Variants in TCERG1L observed in about 807,000 individuals in gnomAD.
The protein encoded by TCERG1L is transcription elongation regulator 1-like protein.
TCERG1L carries 37 observed loss-of-function variants against 56.3 expected under a neutral mutation model. The ratio of observed to expected loss-of-function variants is 0.66; its 90% CI spans 0.51 to 0.87. The LOEUF (loss-of-function observed/expected upper bound fraction) is 0.87. TCERG1L is among the 40% of genes least tolerant of loss of function. The pLI is 0.00. For missense variants in TCERG1L, 799 were observed against 774.2 expected (o/e 1.03, Z -0.38); for synonymous variants, 324 against 326.3 (o/e 0.99, Z 0.08).
chr10:131,284,132 A>G (rs1464185930), intron 3 of TCERG1L, among the ~76,000 whole-genome samples: 1 of 151,614 alleles, frequency 6.6e-6, no homozygotes, highest in Non-Finnish European at 1.5e-5. Flanking sequence ...TCTCAAAAAA[A>G]AAAAAAAAAA....
At chr10:131,300,893 G>A (rs1206407532) in intron 3 of TCERG1L, among the ~76,000 whole-genome samples, 1 of 152,070 alleles carries the variant, frequency 6.6e-6, no homozygotes, top group Non-Finnish European at 1.5e-5. Context: ...AATTTTGTCA[G>A]TGTATTCAGG....
chr10:131,106,675 G>A (rs1205939377), intron 9 of TCERG1L, among the ~76,000 whole-genome samples: 2 of 152,148 alleles, frequency 1.3e-5, no homozygotes, highest in African/African-American at 4.8e-5. Context: ...GTACGTTTGA[G>A]GAAGGCCACC....
chr10:131,251,696 C>A (rs1366536931), intron 4 of TCERG1L, among the ~76,000 whole-genome samples: 1 of 152,230 alleles, frequency 6.6e-6, no homozygotes, highest in Non-Finnish European at 1.5e-5. Context: ...TTCTGACCCT[C>A]TCCAAGGTCC....
At chr10:131,198,610 G>A (rs1845392926) in intron 4 of TCERG1L, among the ~76,000 whole-genome samples, 1 of 152,234 alleles carries the variant, frequency 6.6e-6, no homozygotes, top group Non-Finnish European at 1.5e-5. Flanking sequence ...CTCCCATGCA[G>A]CGGTGCTGGA....
At chr10:131,216,008 C>T (rs1436286753) in intron 4 of TCERG1L, among the ~76,000 whole-genome samples, 4 of 152,194 alleles carry the variant, frequency 2.6e-5, no homozygotes, top group Admixed American at 2.6e-4. Flanking sequence ...CCCCATGACA[C>T]AGGACCTGAC....
At chr10:131,249,814 C>A (rs569757705) in intron 4 of TCERG1L, among the ~76,000 whole-genome samples, 1 of 152,176 alleles carries the variant, frequency 6.6e-6, no homozygotes, top group Non-Finnish European at 1.5e-5. Context: ...GTGCTCCCCT[C>A]CTTTTCAAAT....
At chr10:131,285,498 AAG>A (rs753791693) in intron 3 of TCERG1L, among the ~76,000 whole-genome samples, 1,150 of 25,692 alleles carry the variant, frequency 0.045, 32 homozygotes, top group East Asian at 0.25. Flanking sequence ...GAAAGAAAGA[AAG>A]AAAGAAAGAA....
In TCERG1L at chr10:131,174,173, T is replaced by C. The variant is rs749670083; in HGVS notation, c.857-7288A>G. On this transcript the variant is annotated intron_variant, in intron 4 of 11. Coordinates refer to ENST00000368642, the MANE Select transcript of TCERG1L (RefSeq NM_174937.4). ...CACAGACCTGCTGACCTGCCTGGAATATGAGGCCACAGTCAGATGCCTGCT... is the reference window on the plus strand; with the variant it reads ...CACAGACCTGCTGACCTGCCTGGAACATGAGGCCACAGTCAGATGCCTGCT... 3.3e-5 allele frequency among the ~76,000 whole-genome samples: 5 copies of C among 152,236 alleles called. No homozygotes were observed. The Middle Eastern group carries it at 0.01, about 311-fold the overall frequency.
intron 7 of TCERG1L, among the ~76,000 whole-genome samples, chr10:131,140,934 T>A (rs1845731155): frequency 6.6e-6 from 1 of 152,144 alleles, no homozygotes; most frequent in African/African-American, 2.4e-5. Context: ...CACCAACAGG[T>A]CCAGCCAGGT....
intron 3 of TCERG1L, among the ~76,000 whole-genome samples, chr10:131,295,390 G>A (rs2164944): frequency 0.33 from 50,769 of 152,034 alleles, 8,781 homozygotes; most frequent in Non-Finnish European, 0.38. Flanking sequence ...TGACTGTTCC[G>A]TGTTGCATTC....
chr10:131,278,415 G>A (rs934465702), intron 3 of TCERG1L, among the ~76,000 whole-genome samples: 4 of 146,126 alleles, frequency 2.7e-5, no homozygotes, highest in Non-Finnish European at 4.5e-5. Context: ...TCAGCTCACT[G>A]CAACCTCTGC....
intron 8 of TCERG1L, among the ~76,000 whole-genome samples, chr10:131,125,337 A>AT (rs1219189176): frequency 6.6e-6 from 1 of 152,128 alleles, no homozygotes; most frequent in Non-Finnish European, 1.5e-5. Context: ...CATTATTATT[A>AT]TTTTTTGTTT....
Position 131,240,353 on chromosome 10 carries a change from G to A in TCERG1L, c.856+19906C>T, listed in dbSNP as rs535588465. Among the ~76,000 whole-genome samples the A allele has an allele frequency of 2.5e-4, 38 of 152,138 alleles. No individual in the cohort carries two copies. In the Middle Eastern group the frequency reaches 0.017, roughly 68 times the overall value. ...CACCCTGACCCTTCCCCGTTCATTC[G>A]TTCATGCATGCATGTATTGGGTACG... On this transcript the variant is annotated intron_variant, in intron 4 of 11. Coordinates refer to ENST00000368642, the MANE Select transcript of TCERG1L (RefSeq NM_174937.4).
intron 4 of TCERG1L, among the ~76,000 whole-genome samples, chr10:131,207,745 C>A (rs550440895): frequency 6.6e-6 from 1 of 152,136 alleles, no homozygotes; most frequent in Non-Finnish European, 1.5e-5. Flanking sequence ...ACCTCAGATG[C>A]GCCAGGCCCG....
chr10:131,214,507 C>A (rs1845648574), intron 4 of TCERG1L, among the ~76,000 whole-genome samples: 1 of 152,222 alleles, frequency 6.6e-6, no homozygotes, highest in Non-Finnish European at 1.5e-5. Flanking sequence ...AAAGGCTAGT[C>A]ATCATCATTT....
chr10:131,271,000 C>T (rs1015076990), intron 3 of TCERG1L, among the ~76,000 whole-genome samples: 2 of 152,158 alleles, frequency 1.3e-5, no homozygotes, highest in Admixed American at 6.5e-5. Flanking sequence ...TAGGTCCCAC[C>T]CTGGGGCCGA....
intron 4 of TCERG1L, among the ~76,000 whole-genome samples, chr10:131,189,740 T>C (rs1331023728): frequency 6.6e-6 from 1 of 152,218 alleles, no homozygotes; most frequent in Admixed American, 6.5e-5. Context: ...TTTTAGTTCT[T>C]TGAGAAATCT....
intron 9 of TCERG1L, among the ~76,000 whole-genome samples, chr10:131,105,812 C>A (rs1589775641): frequency 6.6e-6 from 1 of 152,224 alleles, no homozygotes; most frequent in Non-Finnish European, 1.5e-5. Context: ...CATGCTTGGG[C>A]TGGACTCCAG....
At chr10:131,259,647 C>T (rs1264079090) in intron 4 of TCERG1L, among the ~76,000 whole-genome samples, 1 of 152,240 alleles carries the variant, frequency 6.6e-6, no homozygotes, top group African/African-American at 2.4e-5. Flanking sequence ...TCTCAGGACA[C>T]CAGAATGGCC....
Sources: allele counts gnomAD v4.1 joint callset (sites outside exome capture counted in the v4.1 genomes callset), GRCh38; gene constraint gnomAD v4.1.1; transcripts MANE v1.5; gene names NCBI Gene and HGNC (gene_info 2026-07-23, HGNC 2026-07-21).